Variants in LRRTM4 observed in about 807,000 individuals in gnomAD.
The protein encoded by LRRTM4 is leucine-rich repeat transmembrane neuronal protein 4.
In LRRTM4, 25 loss-of-function variants were observed where a neutral mutation model predicts 47.6. The ratio of observed to expected loss-of-function variants is 0.53; its 90% CI spans 0.38 to 0.73. The LOEUF is 0.73. Ranked by LOEUF, LRRTM4 falls within the 30% of genes least tolerant of loss-of-function variation. LRRTM4 has a pLI of 0.00. For missense variants in LRRTM4, 638 were observed against 713.4 expected, an observed-to-expected ratio of 0.89 and a Z score of 1.20; for synonymous variants, 311 against 269.5, an observed-to-expected ratio of 1.15 and a Z score of -1.51.
At chr2:77,262,988 C>T (rs556692011) in intron 3 of LRRTM4, among the ~76,000 whole-genome samples, 16 of 152,124 alleles carry the variant, frequency 1.1e-4, no homozygotes, top group South Asian at 4.2e-4. Flanking sequence ...GCCAAGGGAA[C>T]GAATCTTAGG....
In LRRTM4 at chr2:77,492,729, T is replaced by C. The variant is rs115057981; in HGVS notation, c.1551+25589A>G. ...GAAATTAAGAATCAAGGTATAAGGA[T>C]ACTTTATGAAATCAATGCACAGCTC... is the stretch of plus-strand genomic sequence containing the variant. On this transcript the variant is annotated intron_variant, in intron 3 of 3. Coordinates refer to ENST00000409884, the MANE Select transcript of LRRTM4 (RefSeq NM_001134745.3). 5.1e-3 allele frequency among the ~76,000 whole-genome samples: 783 copies of C among 152,266 alleles called. 12 individuals are homozygous for C. Among genetic ancestry groups the C allele is most frequent in the African/African-American group, 0.018 (744 of 41,544 alleles).
At chr2:77,406,282 G>A (rs568965358) in intron 3 of LRRTM4, among the ~76,000 whole-genome samples, 29 of 152,030 alleles carry the variant, frequency 1.9e-4, no homozygotes, top group Middle Eastern at 3.4e-3. Flanking sequence ...ACCAATTAAC[G>A]TGTAATAGAC....
intron 3 of LRRTM4, among the ~76,000 whole-genome samples, chr2:77,054,687 G>C (rs1679545779): frequency 6.6e-6 from 1 of 152,144 alleles, no homozygotes; most frequent in African/African-American, 2.4e-5. Context: ...TAATTAGTAA[G>C]AGCTACCTGC....
chr2:76,892,062 ATTG>A (rs1357661048), intron 3 of LRRTM4, among the ~76,000 whole-genome samples: 56 of 151,854 alleles, frequency 3.7e-4, no homozygotes, highest in South Asian at 6.2e-4. Flanking sequence ...TAATTTTAAT[ATTG>A]TTGTTATATT....
chr2:76,891,922 A>T (rs1673268303), intron 3 of LRRTM4, among the ~76,000 whole-genome samples: 1 of 151,700 alleles, frequency 6.6e-6, no homozygotes, highest in Non-Finnish European at 1.5e-5. Context: ...GAGAAGAAAA[A>T]ATTGCTGTAT....
intron 3 of LRRTM4, among the ~76,000 whole-genome samples, chr2:77,324,205 T>TAATA (rs1670665675): frequency 6.6e-6 from 1 of 152,116 alleles, no homozygotes; most frequent in Non-Finnish European, 1.5e-5. Context: ...TTGATATTTT[T>TAATA]TCTCGACAAA....
Position 77,049,116 on chromosome 2 carries a change from C to A in LRRTM4, c.1552-300200G>T, listed in dbSNP as rs1295379105. ...GTTTTTTTTTGACTAAATAATATTT[C>A]ATTTTTTATATATATATATATATAT... On this transcript the variant is annotated intron_variant, in intron 3 of 3. Transcript: ENST00000409884. Among the ~76,000 whole-genome samples the A allele has an allele frequency of 2.7e-4, 17 of 63,574 alleles. No homozygotes were observed. The South Asian group carries it at 5.7e-3, about 21-fold the overall frequency. 41.7% of individuals were successfully genotyped at this position (63,574 alleles called of 152,430 possible). A position where few individuals can be genotyped will look rare whatever the true frequency, so the allele number is the denominator to read the frequency against.
At chr2:77,262,865 T>C (rs1193933862) in intron 3 of LRRTM4, among the ~76,000 whole-genome samples, 1 of 151,676 alleles carries the variant, frequency 6.6e-6, no homozygotes, top group Non-Finnish European at 1.5e-5. Context: ...ATGATGAGAG[T>C]GATAAAGGTA....
chr2:76,807,932 C>CTTT lies in LRRTM4; in HGVS notation c.1552-59017_1552-59016insAAA, dbSNP rs547545547. ...TTCTTTTCTTTCCTTTCTTTCCTTT[C>CTTT]CTTTCTTTCTTTCTTTCTTTCTTTT... On this transcript the variant is annotated intron_variant, in intron 3 of 3. Coordinates refer to ENST00000409884, the MANE Select transcript of LRRTM4 (RefSeq NM_001134745.3). 2.7e-3 allele frequency among the ~76,000 whole-genome samples: 335 copies of CTTT among 123,168 alleles called. 12 individuals carry two copies. The East Asian group carries it at 0.054, about 20-fold the overall frequency. The allele number at this position is 123,168 out of a possible 152,430, so 80.8% of individuals were successfully genotyped here. A position where few individuals can be genotyped will look rare whatever the true frequency, so the allele number is the denominator to read the frequency against.
At chr2:77,135,260 C>T (rs777871729) in intron 3 of LRRTM4, among the ~76,000 whole-genome samples, 13 of 152,144 alleles carry the variant, frequency 8.5e-5, no homozygotes, top group Admixed American at 1.3e-4. Flanking sequence ...TCTCTGCATG[C>T]GGCAGACTCA....
intron 3 of LRRTM4, among the ~76,000 whole-genome samples, chr2:77,092,035 A>G (rs1305898654): frequency 6.6e-6 from 1 of 152,084 alleles, no homozygotes; most frequent in Non-Finnish European, 1.5e-5. Flanking sequence ...AGCGGCTGCC[A>G]CTGCTTTAAT....
In LRRTM4 at chr2:77,296,408, G is replaced by A. The variant is rs571170368; in HGVS notation, c.1551+221910C>T. On this transcript the variant is annotated intron_variant, in intron 3 of 3. Coordinates refer to ENST00000409884, the MANE Select transcript of LRRTM4 (RefSeq NM_001134745.3). ...TTTTTGGCCTATTTATTCAGTAACA[G>A]TATCATTACCTTCTTTGTAATAAGA... is the stretch of plus-strand genomic sequence containing the variant. 1.6e-4 allele frequency among the ~76,000 whole-genome samples: 25 copies of A among 152,154 alleles called. No homozygotes were observed. In the East Asian group the frequency reaches 4.6e-3, roughly 28 times the overall value.
intron 3 of LRRTM4, among the ~76,000 whole-genome samples, chr2:76,835,606 T>A (rs1355564992): frequency 6.6e-6 from 1 of 152,074 alleles, no homozygotes; most frequent in Admixed American, 6.6e-5. Flanking sequence ...TCTGTCAGAA[T>A]TGGTCTCAAA....
At chr2:77,113,508 A>C (rs1410036547) in intron 3 of LRRTM4, among the ~76,000 whole-genome samples, 1 of 152,150 alleles carries the variant, frequency 6.6e-6, no homozygotes, top group African/African-American at 2.4e-5. Flanking sequence ...GTGTTGGCGT[A>C]ATAAGAGTTG....
At chr2:77,038,517 A>T (rs1212709926) in intron 3 of LRRTM4, among the ~76,000 whole-genome samples, 1 of 151,582 alleles carries the variant, frequency 6.6e-6, no homozygotes, top group Non-Finnish European at 1.5e-5. Context: ...TGTATGTCAC[A>T]TGCCCAATAC....
At chr2:77,252,266 GAC>G (rs1573146377) in intron 3 of LRRTM4, among the ~76,000 whole-genome samples, 2 of 152,264 alleles carry the variant, frequency 1.3e-5, no homozygotes, top group Admixed American at 6.5e-5. Flanking sequence ...TACCTTAGAT[GAC>G]ACAGTATAGG....
intron 3 of LRRTM4, among the ~76,000 whole-genome samples, chr2:77,420,540 G>A (rs1424449181): frequency 5.9e-5 from 9 of 151,728 alleles, no homozygotes; most frequent in Non-Finnish European, 1.3e-4. Context: ...CTGGAGAAAG[G>A]ACGTACAGGT....
chr2:77,248,833 G>T (rs1675522372), intron 3 of LRRTM4, among the ~76,000 whole-genome samples: 1 of 151,752 alleles, frequency 6.6e-6, no homozygotes, highest in African/African-American at 2.4e-5. Context: ...AGAACAACAG[G>T]ACACCCACAT....
intron 3 of LRRTM4, among the ~76,000 whole-genome samples, chr2:76,857,789 A>G (rs959050143): frequency 6.6e-6 from 1 of 152,138 alleles, no homozygotes; most frequent in Middle Eastern, 3.2e-3. Flanking sequence ...TTAATTCCAT[A>G]ATATTATGTT....
Sources: allele counts gnomAD v4.1 joint callset (sites outside exome capture counted in the v4.1 genomes callset), GRCh38; gene constraint gnomAD v4.1.1; transcripts MANE v1.5; gene names NCBI Gene and HGNC (gene_info 2026-07-23, HGNC 2026-07-21).